Variants in RALGAPA1 observed in about 807,000 individuals in gnomAD.
The protein encoded by RALGAPA1 is Ral GTPase activating protein catalytic subunit alpha 1, also known as ral GTPase-activating protein subunit alpha-1.
A neutral mutation model predicts 269.6 loss-of-function variants in RALGAPA1; 52 were observed. The ratio of observed to expected loss-of-function variants is 0.19; its 90% CI spans 0.15 to 0.24. RALGAPA1 has a LOEUF of 0.24. Ranked by LOEUF, RALGAPA1 falls within the 10% of genes least tolerant of loss-of-function variation. The pLI is 1.00. For synonymous variants in RALGAPA1, 817 were observed against 1,008.3 expected (o/e 0.81, Z 3.60); for missense variants, 1,917 against 3,013.9 (o/e 0.64, Z 8.52).
intron 39 of RALGAPA1, among the ~76,000 whole-genome samples, chr14:35,554,770 T>C (rs1454156117): frequency 6.6e-6 from 1 of 152,206 alleles, no homozygotes; most frequent in Non-Finnish European, 1.5e-5. Context: ...GTTATTGAAA[T>C]TTTTATGATC....
At chr14:35,766,338 C>T in intron 4 of RALGAPA1, 1 of 1,212,700 alleles carries the variant, frequency 8.2e-7, no homozygotes, top group South Asian at 1.2e-5. Flanking sequence ...ATTCATGATT[C>T]CCAGTTTGAC....
chr14:35,642,106 T>G (rs1420923563), intron 31 of RALGAPA1, among the ~76,000 whole-genome samples: 4 of 152,140 alleles, frequency 2.6e-5, no homozygotes, highest in Non-Finnish European at 5.9e-5. Flanking sequence ...CAAAACGCAT[T>G]AGAGACTTAA....
chr14:35,742,273 T>C (rs747707699), intron 11 of RALGAPA1, 95 bp downstream of exon 11: 1 of 930,216 alleles, frequency 1.1e-6, no homozygotes, highest in Non-Finnish European at 1.6e-6. Context: ...ATCTTCCCAT[T>C]TAATAAGTAT....
At chr14:35,748,540 A>T (rs766233372) in intron 10 of RALGAPA1, 45 bp downstream of exon 10, 2 of 1,550,186 alleles carry the variant, frequency 1.3e-6, no homozygotes, top group Non-Finnish European at 1.7e-6. Context: ...AATATTAAAG[A>T]TAAAAGCCTT....
chr14:35,714,340 T>C (rs1478109238), intron 16 of RALGAPA1, among the ~76,000 whole-genome samples: 1 of 152,194 alleles, frequency 6.6e-6, no homozygotes, highest in Non-Finnish European at 1.5e-5. Flanking sequence ...TGGGTGGGTG[T>C]AATGTGGCAT....
intron 33 of RALGAPA1, among the ~76,000 whole-genome samples, chr14:35,630,234 T>A (rs1382274483): frequency 6.6e-6 from 1 of 152,214 alleles, no homozygotes; most frequent in Admixed American, 6.5e-5. Context: ...AATTTCCCAT[T>A]ATCAGCCAAG....
intron 27 of RALGAPA1, among the ~76,000 whole-genome samples, chr14:35,661,244 G>A (rs2063522368): frequency 6.6e-6 from 1 of 152,106 alleles, no homozygotes; most frequent in Non-Finnish European, 1.5e-5. Flanking sequence ...CCTTAAATAT[G>A]TGAAATTTTT....
Position 35,550,800 on chromosome 14 carries a change from T to C in RALGAPA1, c.7497-1566A>G, listed in dbSNP as rs117631468. Among the ~76,000 whole-genome samples, 1,418 of 152,270 alleles carry C rather than the reference T, an allele frequency of 9.3e-3. 8 individuals are homozygous for C. The highest frequency in any genetic ancestry group is 0.011 in the Non-Finnish European group (749 of 68,006). On this transcript the variant is annotated intron_variant, in intron 39 of 41. Coordinates refer to ENST00000680220, the MANE Select transcript of RALGAPA1 (RefSeq NM_001346249.2). Reference sequence around the variant, plus strand: ...TCCATTCTGTACACTGGGGGTGAACTTCAAAAGAATTTTACTTTTGAGGTG... The same window carrying C: ...TCCATTCTGTACACTGGGGGTGAACCTCAAAAGAATTTTACTTTTGAGGTG...
intron 35 of RALGAPA1, among the ~76,000 whole-genome samples, chr14:35,610,196 AAAT>A (rs764903158): frequency 1.3e-5 from 2 of 151,940 alleles, no homozygotes; most frequent in African/African-American, 2.4e-5. Context: ...CAGAAATAAA[AAAT>A]ATTATAAGGA....
At chr14:35,758,199 G>A (rs371030435) in intron 6 of RALGAPA1, among the ~76,000 whole-genome samples, 16 of 129,532 alleles carry the variant, frequency 1.2e-4, no homozygotes, top group African/African-American at 4.5e-4. Flanking sequence ...AGCCGAGATC[G>A]CACCACTGCA....
At chr14:35,562,586 T>C (rs1358390642) in intron 39 of RALGAPA1, among the ~76,000 whole-genome samples, 1 of 152,202 alleles carries the variant, frequency 6.6e-6, no homozygotes, top group Admixed American at 6.5e-5. Flanking sequence ...GCCTGGCTTA[T>C]TGATGTATCA....
intron 26 of RALGAPA1, among the ~76,000 whole-genome samples, chr14:35,670,747 A>AC (rs1158388253): frequency 6.6e-6 from 1 of 152,104 alleles, no homozygotes; most frequent in African/African-American, 2.4e-5. Context: ...ACATGGTGAA[A>AC]CCCCGTCACT....
intron 3 of RALGAPA1, among the ~76,000 whole-genome samples, 195 bp downstream of exon 3, chr14:35,774,811 T>C (rs2074892459): frequency 6.6e-6 from 1 of 152,156 alleles, no homozygotes; most frequent in African/African-American, 2.4e-5. Flanking sequence ...ATTATATCTG[T>C]ACCAAAAAGT....
At chr14:35,712,250 A>G (rs1259818040) in intron 16 of RALGAPA1, among the ~76,000 whole-genome samples, 1 of 151,692 alleles carries the variant, frequency 6.6e-6, no homozygotes, top group Admixed American at 6.6e-5. Flanking sequence ...CAAAAAAAAA[A>G]AAAAAAAAGG....
At chr14:35,766,667 C>T in intron 4 of RALGAPA1, 2 of 676,770 alleles carry the variant, frequency 3.0e-6, no homozygotes, top group Non-Finnish European at 5.6e-6. Context: ...GAAGAATTCT[C>T]TCAGGAAATG....
chr14:35,642,501 T>C (rs2062095793), intron 31 of RALGAPA1, among the ~76,000 whole-genome samples: 1 of 152,130 alleles, frequency 6.6e-6, no homozygotes, highest in Admixed American at 6.5e-5. Context: ...TATGACTATA[T>C]GAAAACAAGT....
intron 35 of RALGAPA1, among the ~76,000 whole-genome samples, chr14:35,622,030 T>G (rs1006975038): frequency 4.6e-5 from 7 of 152,240 alleles, no homozygotes; most frequent in Non-Finnish European, 1.0e-4. Flanking sequence ...ACCCAAAGGA[T>G]TATAAATCAT....
chr14:35,592,276 TA>T (rs1346853322), intron 37 of RALGAPA1, among the ~76,000 whole-genome samples: 1 of 152,262 alleles, frequency 6.6e-6, no homozygotes, highest in Non-Finnish European at 1.5e-5. Flanking sequence ...AGGAAATGGA[TA>T]AGTTTCTAGA....
At chr14:35,779,980 G>A (rs1351674601) in intron 1 of RALGAPA1, among the ~76,000 whole-genome samples, 2 of 152,026 alleles carry the variant, frequency 1.3e-5, no homozygotes, top group Non-Finnish European at 2.9e-5. Context: ...GGTGGTGGGC[G>A]CCTGTAGTCC....
Sources: gnomAD v4.1 joint callset for allele counts (sites outside exome capture counted in the v4.1 genomes callset) on GRCh38, gnomAD v4.1.1 for gene constraint, MANE v1.5 for transcripts, NCBI Gene and HGNC (gene_info 2026-07-23, HGNC 2026-07-21) for gene names.